Variants in ADAMTSL1 observed in about 807,000 individuals in gnomAD.
The protein encoded by ADAMTSL1 is ADAMTS-like protein 1.
Under a neutral mutation model 201.8 loss-of-function variants are expected in ADAMTSL1, and 126 were observed. That is an observed-to-expected ratio of 0.62 (90% CI 0.54 to 0.72). The LOEUF (loss-of-function observed/expected upper bound fraction) is 0.72. Ranked by LOEUF, ADAMTSL1 falls within the 30% of genes least tolerant of loss-of-function variation. The probability of loss-of-function intolerance (pLI) is 0.00; values close to 1 mark genes in which losing one functional copy is unlikely to be tolerated. For missense variants in ADAMTSL1, 2,679 were observed against 2,277.8 expected, an observed-to-expected ratio of 1.18 and a Z score of -3.59; for synonymous variants, 1,121 against 903.4, an observed-to-expected ratio of 1.24 and a Z score of -4.32.
intron 1 of ADAMTSL1, among the ~76,000 whole-genome samples, chr9:18,476,531 A>T (rs1821461769): frequency 6.6e-6 from 1 of 152,144 alleles, no homozygotes; most frequent in African/African-American, 2.4e-5. Context: ...CCCCTTTAGC[A>T]TTAAATTTAA....
intron 1 of ADAMTSL1, among the ~76,000 whole-genome samples, chr9:18,023,022 G>C (rs538288873): frequency 1.3e-5 from 2 of 151,880 alleles, no homozygotes; most frequent in African/African-American, 4.8e-5. Context: ...AACATTTTTT[G>C]TGTGTGTTTG....
At chr9:18,647,900 G>A (rs1156887386) in intron 7 of ADAMTSL1, among the ~76,000 whole-genome samples, 3 of 150,622 alleles carry the variant, frequency 2.0e-5, no homozygotes, top group Non-Finnish European at 4.4e-5. Context: ...ATGTCTATTA[G>A]GTCCGCTTGG....
intron 5 of ADAMTSL1, among the ~76,000 whole-genome samples, chr9:18,626,714 C>G (rs1826376687): frequency 6.6e-6 from 1 of 152,168 alleles, no homozygotes; most frequent in Admixed American, 6.5e-5. Flanking sequence ...TACACTAAGC[C>G]AGGCCACAGA....
intron 23 of ADAMTSL1, among the ~76,000 whole-genome samples, chr9:18,881,671 G>A (rs1828544829): frequency 6.6e-6 from 1 of 152,114 alleles, no homozygotes; most frequent in African/African-American, 2.4e-5. Context: ...AGAAAATCAT[G>A]CCAGTAGATT....
chr9:18,484,979 A>C (rs569122897), intron 1 of ADAMTSL1, among the ~76,000 whole-genome samples: 1 of 152,232 alleles, frequency 6.6e-6, no homozygotes, highest in African/African-American at 2.4e-5. Context: ...CCATAGTTTC[A>C]TCAATGAAAT....
intron 2 of ADAMTSL1, among the ~76,000 whole-genome samples, chr9:18,354,048 C>CGT (rs1554664928): frequency 2.8e-5 from 4 of 142,576 alleles, no homozygotes; most frequent in Admixed American, 7.1e-5. Flanking sequence ...TTTTTCTATA[C>CGT]ATATATATAT....
At chr9:18,681,698 G>GTGTGGGGT (rs66675938) in intron 11 of ADAMTSL1, 114 bp from the exon 12 acceptor site, 2 of 322,690 alleles carry the variant, frequency 6.2e-6, no homozygotes, top group South Asian at 1.2e-4. Flanking sequence ...GTCCTCGTGT[G>GTGTGGGGT]GGGGGGGGGG....
intron 1 of ADAMTSL1, among the ~76,000 whole-genome samples, chr9:17,962,418 A>T (rs1181463449): frequency 6.6e-6 from 1 of 152,202 alleles, no homozygotes; most frequent in Non-Finnish European, 1.5e-5. Context: ...CTATGAAAAT[A>T]AGCCCTAGTT....
intron 1 of ADAMTSL1, among the ~76,000 whole-genome samples, chr9:18,163,592 A>G (rs1827499069): frequency 6.6e-6 from 1 of 152,020 alleles, no homozygotes; most frequent in Admixed American, 6.6e-5. Context: ...ACCTGGCCAC[A>G]GAGATAACCT....
At chr9:17,932,411 A>C (rs1292964330) in intron 1 of ADAMTSL1, among the ~76,000 whole-genome samples, 2 of 152,062 alleles carry the variant, frequency 1.3e-5, no homozygotes, top group East Asian at 3.9e-4. Flanking sequence ...GAAATGATTG[A>C]ATTTGCCATT....
At position 18,574,045 on chromosome 9, in the gene ADAMTSL1, G is replaced by T. The variant is rs1822530604; in HGVS notation, c.253G>T (p.Ala85Ser). Residue 85 changes from alanine to serine, a missense_variant, in exon 4 of 29, where the codon GCA becomes TCA. Transcript: ENST00000380548. ...TCSNVDCPPE[A>S]GDFRAQQCSA... is the part of the protein sequence containing the mutation. ...TTTTCTCCAGGACTGCCCACCAGAAGCAGGTGATTTCCGAGCTCAGCAATG... is the reference window on the plus strand; with the variant it reads ...TTTTCTCCAGGACTGCCCACCAGAATCAGGTGATTTCCGAGCTCAGCAATG... The T allele has an allele frequency of 6.2e-7, 1 of 1,613,448 alleles. No homozygotes were observed. Among genetic ancestry groups the T allele is most frequent in the Non-Finnish European group, 8.5e-7 (1 of 1,179,568 alleles).
At chr9:18,253,918 T>C (rs1408678895) in intron 2 of ADAMTSL1, among the ~76,000 whole-genome samples, 1 of 152,188 alleles carries the variant, frequency 6.6e-6, no homozygotes, top group Non-Finnish European at 1.5e-5. Flanking sequence ...TTTGATGATA[T>C]ACAACTTTTC....
chr9:18,682,838 A>G (rs1326262699), intron 12 of ADAMTSL1, among the ~76,000 whole-genome samples: 1 of 152,180 alleles, frequency 6.6e-6, no homozygotes, highest in African/African-American at 2.4e-5. Flanking sequence ...ATGATATAAA[A>G]GGAAACAAAA....
At chr9:18,445,804 T>C (rs1285271014) in intron 2 of ADAMTSL1, among the ~76,000 whole-genome samples, 1 of 152,174 alleles carries the variant, frequency 6.6e-6, no homozygotes, top group African/African-American at 2.4e-5. Flanking sequence ...CTACATTTAA[T>C]CTTTGTCATG....
intron 1 of ADAMTSL1, among the ~76,000 whole-genome samples, chr9:18,096,294 A>G (rs933230178): frequency 1.3e-5 from 2 of 152,346 alleles, no homozygotes; most frequent in African/African-American, 2.4e-5. Context: ...TATAGTAATT[A>G]CCGTATTCCC....
intron 1 of ADAMTSL1, among the ~76,000 whole-genome samples, chr9:18,503,329 T>A (rs1233921253): frequency 6.6e-6 from 1 of 151,634 alleles, no homozygotes. Context: ...ATGTCTGACT[T>A]ATTTCACTTC....
At chr9:18,751,277 A>G (rs1588042762) in intron 15 of ADAMTSL1, among the ~76,000 whole-genome samples, 1 of 152,230 alleles carries the variant, frequency 6.6e-6, no homozygotes, top group East Asian at 1.9e-4. Context: ...TCTTCTATTC[A>G]TTTAAAACTT....
chr9:18,585,383 A>G (rs1337866062), intron 4 of ADAMTSL1, among the ~76,000 whole-genome samples: 1 of 152,210 alleles, frequency 6.6e-6, no homozygotes, highest in Non-Finnish European at 1.5e-5. Context: ...GCAAATCTAA[A>G]ATAGAAAACA....
intron 2 of ADAMTSL1, among the ~76,000 whole-genome samples, chr9:18,354,451 T>TA (rs2133043769): frequency 6.6e-6 from 1 of 152,202 alleles, no homozygotes; most frequent in Admixed American, 6.5e-5. Context: ...ACTTTGCTGT[T>TA]ACGTTGGATG....
Sources: allele counts gnomAD v4.1 joint callset (sites outside exome capture counted in the v4.1 genomes callset), GRCh38; gene constraint gnomAD v4.1.1; transcripts MANE v1.5; gene names NCBI Gene and HGNC (gene_info 2026-07-23, HGNC 2026-07-21).